RARB: variants seen among roughly 807,000 people sequenced by gnomAD.
RARB encodes HBV-activated protein.
In RARB, 17 loss-of-function variants were observed where a neutral mutation model predicts 51.9. The ratio of observed to expected loss-of-function variants is 0.33; its 90% confidence interval spans 0.22 to 0.49. The LOEUF is 0.49. RARB is among the 20% of genes least tolerant of loss of function. The pLI is 0.99. For synonymous variants in RARB, 215 were observed against 195.4 expected (o/e 1.10, Z -0.84); for missense variants, 369 against 550.8 (o/e 0.67, Z 3.30).
intron 3 of RARB, among the ~76,000 whole-genome samples, chr3:25,074,008 T>C (rs972641314): frequency 6.6e-6 from 1 of 152,210 alleles, no homozygotes; most frequent in Non-Finnish European, 1.5e-5. Flanking sequence ...ACTTCTGTTA[T>C]TCATTGGACA....
intron 5 of RARB, among the ~76,000 whole-genome samples, chr3:25,404,217 C>T (rs73820475): frequency 0.03 from 4,590 of 152,220 alleles, 235 homozygotes; most frequent in African/African-American, 0.11. Flanking sequence ...TTCCAGGGGA[C>T]CTTCTCACTG....
At chr3:25,395,214 C>G (rs776400283) in intron 5 of RARB, among the ~76,000 whole-genome samples, 4 of 152,032 alleles carry the variant, frequency 2.6e-5, no homozygotes, top group African/African-American at 9.7e-5. Context: ...TGTTTAAGGA[C>G]GCTAAAAATA....
At chr3:25,486,970 G>C (rs1696505586) in intron 2 of RARB, among the ~76,000 whole-genome samples, 1 of 152,154 alleles carries the variant, frequency 6.6e-6, no homozygotes, top group Admixed American at 6.5e-5. Flanking sequence ...GTATACCTAT[G>C]ATGACCTCTG....
intron 2 of RARB, among the ~76,000 whole-genome samples, chr3:24,871,223 T>A (rs768636110): frequency 3.9e-5 from 6 of 152,306 alleles, no homozygotes; most frequent in Middle Eastern, 3.4e-3. Flanking sequence ...TTAAGGAAAT[T>A]CACTTCTATT....
intron 5 of RARB, among the ~76,000 whole-genome samples, chr3:25,413,870 A>C (rs894812866): frequency 1.3e-5 from 2 of 152,206 alleles, no homozygotes; most frequent in Admixed American, 1.3e-4. Flanking sequence ...TATTTTGCTC[A>C]ATACTATTTT....
chr3:25,496,941 G>A (rs2698516), intron 2 of RARB, among the ~76,000 whole-genome samples: 83,461 of 151,998 alleles, frequency 0.55, 25,223 homozygotes, highest in African/African-American at 0.81. Flanking sequence ...CTGGAGTGCA[G>A]TGGCACAATC....
chr3:25,398,025 T>C (rs143140701), intron 5 of RARB, among the ~76,000 whole-genome samples: 1 of 152,284 alleles, frequency 6.6e-6, no homozygotes, highest in Non-Finnish European at 1.5e-5. Context: ...GGTAAATCTT[T>C]TTGGGTGAAA....
intron 3 of RARB, among the ~76,000 whole-genome samples, chr3:25,509,102 A>G (rs932081765): frequency 2.6e-5 from 4 of 152,148 alleles, no homozygotes; most frequent in African/African-American, 7.2e-5. Context: ...CCATTACACA[A>G]TAGAACAGCA....
intron 5 of RARB, among the ~76,000 whole-genome samples, chr3:25,414,839 T>C (rs1030894864): frequency 2.2e-4 from 33 of 152,198 alleles, no homozygotes; most frequent in African/African-American, 6.5e-4. Context: ...TTATCTGATA[T>C]ATGCTTTGCA....
intron 3 of RARB, among the ~76,000 whole-genome samples, chr3:25,542,448 G>T (rs551093553): frequency 6.6e-6 from 1 of 152,270 alleles, no homozygotes; most frequent in South Asian, 2.1e-4. Context: ...TGGTGGTAAG[G>T]TAGAGAAATA....
In RARB at chr3:24,972,762, A is replaced by T. The variant is rs1696428489; in HGVS notation, c.-379-87363A>T. Among the ~76,000 whole-genome samples the T allele has an allele frequency of 2.0e-5, 3 of 152,072 alleles. No individual in the cohort carries two copies. In the South Asian group the frequency reaches 6.2e-4, roughly 32 times the overall value. ...GATTAGTGATATTAAACATTTTTTCATATACCCCGTGGCCATTTGTAAGTC... is the reference window on the plus strand; with the variant it reads ...GATTAGTGATATTAAACATTTTTTCTTATACCCCGTGGCCATTTGTAAGTC... On this transcript the variant is annotated intron_variant, in intron 2 of 11. Transcript: ENST00000383772.
At chr3:25,199,674 C>G (rs1701340884) in intron 5 of RARB, among the ~76,000 whole-genome samples, 2 of 152,032 alleles carry the variant, frequency 1.3e-5, no homozygotes, top group Admixed American at 1.3e-4. Flanking sequence ...CAATTCCCAC[C>G]TATGAGTGAG....
In RARB at chr3:25,011,652, C is replaced by T. The variant is rs140178989; in HGVS notation, c.-379-48473C>T. On this transcript the variant is annotated intron_variant, in intron 2 of 11. Coordinates refer to the RARB transcript ENST00000383772. Reference sequence around the variant, plus strand: ...GTTAAACATTAAGATCCAGGTCATTCATCTGTGCATCCATTCACTTACTCC... The same window carrying T: ...GTTAAACATTAAGATCCAGGTCATTTATCTGTGCATCCATTCACTTACTCC... 2.5e-3 allele frequency among the ~76,000 whole-genome samples: 374 copies of T among 152,176 alleles called. 2 individuals carry two copies. The highest frequency in any genetic ancestry group is 8.5e-3 in the African/African-American group (352 of 41,528).
At chr3:25,550,810 G>T (rs1699819396) in intron 3 of RARB, among the ~76,000 whole-genome samples, 1 of 152,064 alleles carries the variant, frequency 6.6e-6, no homozygotes, top group Non-Finnish European at 1.5e-5. Flanking sequence ...TCATTGTTCA[G>T]CTCCCACTTA....
chr3:25,575,063 C>T (rs1038860475), intron 4 of RARB, among the ~76,000 whole-genome samples: 2 of 152,146 alleles, frequency 1.3e-5, no homozygotes, highest in East Asian at 3.9e-4. Context: ...CTTCTTGGCA[C>T]CAGGGACCAG....
chr3:25,225,463 G>T (rs1468082115), intron 5 of RARB, among the ~76,000 whole-genome samples: 1 of 152,170 alleles, frequency 6.6e-6, no homozygotes, highest in Admixed American at 6.5e-5. Flanking sequence ...CAGTAGGTCA[G>T]AATGACTTTG....
At chr3:24,880,848 TTA>T (rs1703145231) in intron 2 of RARB, among the ~76,000 whole-genome samples, 1 of 152,254 alleles carries the variant, frequency 6.6e-6, no homozygotes. Context: ...TACTGTGAAC[TTA>T]TGTTAAATAT....
chr3:25,192,737 C>T (rs13087919), intron 5 of RARB, among the ~76,000 whole-genome samples: 14,730 of 152,116 alleles, frequency 0.097, 960 homozygotes, highest in South Asian at 0.25. Flanking sequence ...CACAGACACA[C>T]ACACGACAAA....
chr3:25,164,404 G>A (rs1014065669), intron 4 of RARB, among the ~76,000 whole-genome samples: 1 of 152,172 alleles, frequency 6.6e-6, no homozygotes, highest in East Asian at 1.9e-4. Flanking sequence ...GGCAACCCAT[G>A]TGTGCAGTGA....
Sources: allele counts gnomAD v4.1 joint callset (sites outside exome capture counted in the v4.1 genomes callset), GRCh38; gene constraint gnomAD v4.1.1; transcripts MANE v1.5; gene names NCBI Gene and HGNC (gene_info 2026-07-23, HGNC 2026-07-21).